Variants in PTK2 observed in about 807,000 individuals in gnomAD.
PTK2 encodes protein tyrosine kinase 2, also known as focal adhesion kinase 1.
PTK2 carries 45 observed loss-of-function variants against 150.1 expected under a neutral mutation model. The observed-to-expected ratio is 0.30, with a 90% CI of 0.24 to 0.38. The LOEUF is 0.38. PTK2 is among the 10% of genes least tolerant of loss of function. The pLI, the probability that PTK2 is intolerant of heterozygous loss-of-function variation, is 1.00. For synonymous variants in PTK2, 432 were observed against 449.2 expected, an observed-to-expected ratio of 0.96 and a Z score of 0.48; for missense variants, 919 against 1,307.3, an observed-to-expected ratio of 0.70 and a Z score of 4.58.
At chr8:140,722,981 A>T (rs1388291550) in intron 22 of PTK2, among the ~76,000 whole-genome samples, 2 of 152,144 alleles carry the variant, frequency 1.3e-5, no homozygotes, top group African/African-American at 4.8e-5. Context: ...GAAATGGGCC[A>T]CTCTGATCTT....
At chr8:140,913,811 A>T (rs145083833) in intron 2 of PTK2, among the ~76,000 whole-genome samples, 235 of 152,346 alleles carry the variant, frequency 1.5e-3, no homozygotes, top group Admixed American at 3.0e-3. Flanking sequence ...ATATTTAAAA[A>T]AGGAAAATAT....
rs558683134 is a variant in PTK2 at position 140,913,635 on chromosome 8, TATC to T, written c.-33+12023_-33+12025del. The stretch of plus-strand genomic sequence containing the variant: ...AAAAGCCAAAAATTATTATTTACAA[TATC>T]ATCAAAAAACACCCAGACCACCACA... On this transcript the variant is annotated intron_variant, in intron 2 of 31. Transcript: ENST00000522684. Among the ~76,000 whole-genome samples the T allele has an allele frequency of 5.8e-3, 879 of 152,116 alleles. 13 individuals are homozygous for T. Among genetic ancestry groups the T allele is most frequent in the African/African-American group, 0.019 (804 of 41,482 alleles).
rs957498076 is a variant in PTK2, at chr8:140,702,871, C to T, written c.2230-164G>A. Among the ~76,000 whole-genome samples, 5 of 152,306 alleles carry T rather than the reference C, an allele frequency of 3.3e-5. No individual in the cohort carries two copies. In the East Asian group the frequency reaches 5.8e-4, roughly 18 times the overall value. ...TCCCTTGAACATGTGAATATGTTTCCTTACGTGGCAAAAGAGACTTTGCAG... is the reference window on the plus strand; with the variant it reads ...TCCCTTGAACATGTGAATATGTTTCTTTACGTGGCAAAAGAGACTTTGCAG... On this transcript the variant is annotated intron_variant, in intron 24 of 31. Coordinates refer to ENST00000522684, the Ensembl canonical transcript of PTK2.
At chr8:140,762,548 AAAAACTAAATATCTTC>A (rs1358467495) in intron 15 of PTK2, among the ~76,000 whole-genome samples, 160 bp from the exon 18 acceptor site, 1 of 152,256 alleles carries the variant, frequency 6.6e-6, no homozygotes, top group African/African-American at 2.4e-5. Flanking sequence ...AAATACAAGT[AAAAACTAAATATCTTC>A]AAGTTAACTC....
At chr8:140,797,526 C>A (rs764612166) in intron 12 of PTK2, among the ~76,000 whole-genome samples, 17 of 152,156 alleles carry the variant, frequency 1.1e-4, no homozygotes, top group Non-Finnish European at 1.0e-4. Context: ...AGCATTCACT[C>A]CCTCCCTTGA....
At chr8:140,907,564 AAAC>A (rs962064740) in intron 2 of PTK2, among the ~76,000 whole-genome samples, 2 of 152,124 alleles carry the variant, frequency 1.3e-5, no homozygotes, top group African/African-American at 4.8e-5. Context: ...TTTAAAACAA[AAAC>A]AACAACAACA....
rs1266944782 is a variant in PTK2, at chr8:140,670,474, A to C, written c.2710-2050T>G. Reference sequence around the variant, plus strand: ...TGTGTCTCAAAAAAAAAAAAAAAAAAAAAAAAAAACAACAACACACACACA... The same window carrying C: ...TGTGTCTCAAAAAAAAAAAAAAAAACAAAAAAAAACAACAACACACACACA... On this transcript the variant is annotated intron_variant, in intron 29 of 31. Coordinates refer to ENST00000522684, the Ensembl canonical transcript of PTK2. Among the ~76,000 whole-genome samples the C allele has an allele frequency of 7.6e-4, 59 of 77,938 alleles. 5 individuals are homozygous for C. Among genetic ancestry groups the C allele is most frequent in the African/African-American group, 1.0e-3 (24 of 23,028 alleles). The allele number at this position is 77,938 out of a possible 152,430, so 51.1% of individuals were successfully genotyped here.
intron 23 of PTK2, among the ~76,000 whole-genome samples, chr8:140,714,520 G>A (rs1472476190): frequency 6.6e-6 from 1 of 151,710 alleles, no homozygotes; most frequent in African/African-American, 2.4e-5. Context: ...AAGACAGCCG[G>A]GCGTGGTGGT....
chr8:140,719,410 C>T (rs59161149), intron 22 of PTK2, among the ~76,000 whole-genome samples: 46 of 152,004 alleles, frequency 3.0e-4, no homozygotes, highest in African/African-American at 1.1e-3. Flanking sequence ...ATGTGCCAGG[C>T]CCAGGTGAGT....
intron 14 of PTK2, among the ~76,000 whole-genome samples, chr8:140,767,862 A>G (rs1274906322): frequency 6.6e-6 from 1 of 152,184 alleles, no homozygotes; most frequent in Non-Finnish European, 1.5e-5. Context: ...CTGATATGAT[A>G]GGTATTTTTA....
intron 2 of PTK2, among the ~76,000 whole-genome samples, chr8:140,916,965 T>C (rs1331262402): frequency 6.6e-6 from 1 of 152,156 alleles, no homozygotes; most frequent in Non-Finnish European, 1.5e-5. Context: ...TGGAATAACA[T>C]GTATGTTTTT....
At chr8:140,691,198 GGT>G (rs1047864438) in intron 26 of PTK2, among the ~76,000 whole-genome samples, 66 of 147,282 alleles carry the variant, frequency 4.5e-4, no homozygotes, top group Non-Finnish European at 6.4e-4. Flanking sequence ...GATGGTTGGG[GGT>G]GGGGGGTCTC....
chr8:140,935,260 A>G (rs2100173208), intron 1 of PTK2, among the ~76,000 whole-genome samples: 3 of 152,206 alleles, frequency 2.0e-5, no homozygotes, highest in African/African-American at 7.2e-5. Context: ...ATATTATAGC[A>G]GGAGCTACTG....
chr8:140,956,644 T>C (rs2100181313), intron 1 of PTK2, among the ~76,000 whole-genome samples: 3 of 152,230 alleles, frequency 2.0e-5, no homozygotes, highest in South Asian at 2.1e-4. Flanking sequence ...TGTGTGTTAT[T>C]GCCCCTAAAG....
In PTK2 at chr8:140,891,031, G is replaced by A. The variant is rs140628086; in HGVS notation, c.-32-262C>T. On this transcript the variant is annotated intron_variant, in intron 2 of 31. Coordinates refer to ENST00000522684, the Ensembl canonical transcript of PTK2. ...ACTCCAATTTCAGCTGTGTCAAAAA[G>A]TATCTACAAACAATGTAATACCCCC... 2.2e-3 allele frequency among the ~76,000 whole-genome samples: 331 copies of A among 152,110 alleles called. 2 individuals carry two copies. The highest frequency in any genetic ancestry group is 0.017 in the Middle Eastern group (5 of 294).
chr8:140,912,755 T>C (rs1332271376), intron 2 of PTK2, among the ~76,000 whole-genome samples: 1 of 151,932 alleles, frequency 6.6e-6, no homozygotes. Context: ...CATCAGGAGT[T>C]CGAGACCAGC....
At chr8:140,679,710 T>TAA in intron 27 of PTK2, among the ~76,000 whole-genome samples, 1 of 152,200 alleles carries the variant, frequency 6.6e-6, no homozygotes, top group Non-Finnish European at 1.5e-5. Flanking sequence ...AAAGTCTAAA[T>TAA]AAAAGTTTAC....
At chr8:140,950,862 T>C (rs1244137213) in intron 1 of PTK2, among the ~76,000 whole-genome samples, 1 of 152,188 alleles carries the variant, frequency 6.6e-6, no homozygotes, top group Non-Finnish European at 1.5e-5. Flanking sequence ...CACTATTTTA[T>C]ATAAGAGACA....
intron 8 of PTK2, among the ~76,000 whole-genome samples, chr8:140,829,184 C>T (rs1213403474): frequency 3.3e-5 from 5 of 152,180 alleles, no homozygotes; most frequent in Admixed American, 6.5e-5. Context: ...CTTAAATGCA[C>T]GTCTTATTGC....
Sources: allele counts gnomAD v4.1 joint callset (sites outside exome capture counted in the v4.1 genomes callset), GRCh38; gene constraint gnomAD v4.1.1; transcripts MANE v1.5; gene names NCBI Gene and HGNC (gene_info 2026-07-23, HGNC 2026-07-21).